ROR2: variants seen among roughly 807,000 people sequenced by gnomAD.
The protein encoded by ROR2 is tyrosine-protein kinase transmembrane receptor ROR2.
A neutral mutation model predicts 74.9 loss-of-function variants in ROR2; 33 were observed. The ratio of observed to expected loss-of-function variants is 0.44; its 90% CI spans 0.33 to 0.59. ROR2 has a LOEUF of 0.59. ROR2 is among the 20% of genes least tolerant of loss of function. ROR2 has a pLI of 0.02. For missense variants in ROR2, 1,216 were observed against 1,313.8 expected (o/e 0.93, Z 1.15); for synonymous variants, 586 against 558.7 (o/e 1.05, Z -0.69).
intron 4 of ROR2, among the ~76,000 whole-genome samples, chr9:91,751,131 C>T (rs1188831988): frequency 6.6e-6 from 1 of 152,126 alleles, no homozygotes; most frequent in African/African-American, 2.4e-5. Flanking sequence ...GACTTTCACC[C>T]ATAGGGACAA....
chr9:91,879,849 T>C (rs1393770657), intron 1 of ROR2, among the ~76,000 whole-genome samples: 1 of 152,174 alleles, frequency 6.6e-6, no homozygotes, highest in Non-Finnish European at 1.5e-5. Context: ...TCCTTCCACG[T>C]GTCCATCTTT....
At chr9:91,921,019 C>T (rs1368190263) in intron 1 of ROR2, among the ~76,000 whole-genome samples, 1 of 152,244 alleles carries the variant, frequency 6.6e-6, no homozygotes, top group Non-Finnish European at 1.5e-5. Context: ...TCATTGCCAA[C>T]AAACTGGACC....
At chr9:91,877,713 C>T (rs1372212370) in intron 1 of ROR2, among the ~76,000 whole-genome samples, 1 of 152,192 alleles carries the variant, frequency 6.6e-6, no homozygotes, top group Admixed American at 6.5e-5. Flanking sequence ...GCTATTCCTG[C>T]TATGCCTATT....
intron 1 of ROR2, among the ~76,000 whole-genome samples, chr9:91,780,790 C>CA (rs1015339314): frequency 1.4e-4 from 21 of 151,806 alleles, no homozygotes; most frequent in African/African-American, 4.1e-4. Context: ...GACTCCATCT[C>CA]AAAAAAAAGA....
chr9:91,736,052 T>G (rs1300102648), intron 5 of ROR2, among the ~76,000 whole-genome samples: 1 of 152,198 alleles, frequency 6.6e-6, no homozygotes, highest in Non-Finnish European at 1.5e-5. Flanking sequence ...TGGCGTAAAG[T>G]ATATTCTCTA....
chr9:91,868,402 A>T (rs73517090), intron 1 of ROR2, among the ~76,000 whole-genome samples: 10,818 of 152,202 alleles, frequency 0.071, 448 homozygotes, highest in Middle Eastern at 0.13. Context: ...AAGAAGAAAA[A>T]AAGAGTGACG....
chr9:91,754,231 T>C (rs971622747), intron 4 of ROR2, among the ~76,000 whole-genome samples: 1 of 150,538 alleles, frequency 6.6e-6, no homozygotes, highest in Non-Finnish European at 1.5e-5. Context: ...TGTATATAAA[T>C]ATATGAATGT....
At chr9:91,933,958 T>A (rs1166027900) in intron 1 of ROR2, among the ~76,000 whole-genome samples, 1 of 152,174 alleles carries the variant, frequency 6.6e-6, no homozygotes, top group Non-Finnish European at 1.5e-5. Flanking sequence ...TTAAAAGACA[T>A]TGAATTGTTC....
chr9:91,790,339 GA>G (rs879680288), intron 1 of ROR2, among the ~76,000 whole-genome samples: 3,144 of 139,788 alleles, frequency 0.022, 94 homozygotes, highest in African/African-American at 0.074. Context: ...CATCTCTACT[GA>G]AAAAAAAAAA....
intron 1 of ROR2, among the ~76,000 whole-genome samples, chr9:91,854,960 A>G (rs1309785711): frequency 1.3e-5 from 2 of 152,206 alleles, no homozygotes; most frequent in East Asian, 3.8e-4. Flanking sequence ...TATGCCTCCA[A>G]TATTTTAGTA....
chr9:91,915,031 A>T (rs1417157518), intron 1 of ROR2, among the ~76,000 whole-genome samples: 1 of 152,104 alleles, frequency 6.6e-6, no homozygotes, highest in Middle Eastern at 3.2e-3. Flanking sequence ...TAGGATCAGG[A>T]ACTAGCCATT....
intron 1 of ROR2, among the ~76,000 whole-genome samples, chr9:91,839,249 GGGGTGTGTGT>G (rs1382388245): frequency 0.027 from 3,543 of 132,646 alleles, 83 homozygotes; most frequent in East Asian, 0.05. Context: ...TGTCAGATCG[GGGGTGTGTGT>G]GTGTGTGTGT....
intron 1 of ROR2, among the ~76,000 whole-genome samples, chr9:91,921,895 A>G (rs956659131): frequency 1.1e-4 from 16 of 151,788 alleles, no homozygotes; most frequent in African/African-American, 3.6e-4. Context: ...CTCTAACAAC[A>G]ATAATAAAAA....
chr9:91,930,599 G>T (rs1346899786), intron 1 of ROR2, among the ~76,000 whole-genome samples: 3 of 152,206 alleles, frequency 2.0e-5, no homozygotes, highest in African/African-American at 7.2e-5. Context: ...GCAGCACTGG[G>T]CACTTGTTTC....
At chr9:91,749,351 CT>C (rs1825534181) in intron 4 of ROR2, among the ~76,000 whole-genome samples, 1 of 152,200 alleles carries the variant, frequency 6.6e-6, no homozygotes, top group Non-Finnish European at 1.5e-5. Context: ...ACTTTGGCTC[CT>C]GGTGGGGGTT....
At chr9:91,757,221 G>A in intron 3 of ROR2, 51 bp downstream of exon 3, 1 of 1,610,392 alleles carries the variant, frequency 6.2e-7, no homozygotes, top group Non-Finnish European at 8.5e-7. Flanking sequence ...TTGCTCGGTG[G>A]CTGGGAACCT....
intron 1 of ROR2, among the ~76,000 whole-genome samples, chr9:91,880,141 T>G (rs1177204364): frequency 6.6e-6 from 1 of 151,906 alleles, no homozygotes; most frequent in African/African-American, 2.4e-5. Context: ...TGGGCCCCAA[T>G]GCAGTATGAC....
chr9:91,751,682 G>A (rs899093200), intron 4 of ROR2, among the ~76,000 whole-genome samples: 1 of 152,056 alleles, frequency 6.6e-6, no homozygotes, highest in Non-Finnish European at 1.5e-5. Context: ...AAAATATATA[G>A]ATATTTTTAA....
intron 1 of ROR2, chr9:91,948,601 G>C: frequency 1.0e-6 from 1 of 985,424 alleles, no homozygotes; most frequent in Non-Finnish European, 1.2e-6. Context: ...TTTCTGACTC[G>C]CGTACCTTGG....
Sources: gnomAD v4.1 joint callset for allele counts (sites outside exome capture counted in the v4.1 genomes callset) on GRCh38, gnomAD v4.1.1 for gene constraint, MANE v1.5 for transcripts, NCBI Gene and HGNC (gene_info 2026-07-23, HGNC 2026-07-21) for gene names.